ZNF536: variants seen among roughly 807,000 people sequenced by gnomAD.
The protein encoded by ZNF536 is zinc finger protein 536.
A neutral mutation model predicts 84.5 loss-of-function variants in ZNF536; 13 were observed. The observed-to-expected ratio is 0.15, with a 90% CI of 0.10 to 0.24. The LOEUF is 0.24. ZNF536 is among the 10% of genes least tolerant of loss of function. ZNF536 has a pLI of 1.00. For missense variants in ZNF536, 1,536 were observed against 1,747.5 expected (o/e 0.88, Z 2.16); for synonymous variants, 811 against 742.5 (o/e 1.09, Z -1.50).
Position 30,384,995 on chromosome 19 carries a change from G to C in ZNF536, c.-3+12439G>C, listed in dbSNP as rs568153280. On this transcript the variant is annotated intron_variant, in intron 1 of 4. Transcript: ENST00000355537. ...TGATCACGTCACTGCCCTCCAGCCT[G>C]GGCGACAGAGTGAGATATTGTCTCT... Among the ~76,000 whole-genome samples, 6 of 152,164 alleles carry C rather than the reference G, an allele frequency of 3.9e-5. No homozygotes were observed. In the East Asian group the frequency reaches 9.7e-4, roughly 25 times the overall value.
intron 1 of ZNF536, among the ~76,000 whole-genome samples, chr19:30,231,791 T>C (rs1186290534): frequency 2.6e-5 from 4 of 151,842 alleles, no homozygotes; most frequent in African/African-American, 9.7e-5. Flanking sequence ...CTGGTGATGG[T>C]GGTGGTGGTG....
At chr19:30,416,944 A>G (rs2147792035) in intron 1 of ZNF536, among the ~76,000 whole-genome samples, 1 of 152,054 alleles carries the variant, frequency 6.6e-6, no homozygotes, top group African/African-American at 2.4e-5. Context: ...TCTTTGGCCT[A>G]TGTCTATTGA....
intron 2 of ZNF536, among the ~76,000 whole-genome samples, chr19:30,532,424 C>T (rs1453314924): frequency 6.6e-6 from 1 of 152,204 alleles, no homozygotes; most frequent in Non-Finnish European, 1.5e-5. Flanking sequence ...AGCCACCATG[C>T]CCGGCCCAAT....
At chr19:30,269,690 T>C (rs1201214138) in intron 1 of ZNF536, among the ~76,000 whole-genome samples, 1 of 152,216 alleles carries the variant, frequency 6.6e-6, no homozygotes, top group Non-Finnish European at 1.5e-5. Context: ...CTTCTGGCTA[T>C]TTAACCTGAG....
At chr19:30,594,921 G>A (rs1239816828) in intron 1 of ZNF536, among the ~76,000 whole-genome samples, 1 of 152,086 alleles carries the variant, frequency 6.6e-6, no homozygotes, top group Middle Eastern at 3.2e-3. Context: ...TGCCCCGAAG[G>A]CCAACCCAGG....
chr19:30,426,227 T>C lies in ZNF536; in HGVS notation c.-2-17334T>C, dbSNP rs142524712. Among the ~76,000 whole-genome samples, 32 of 152,354 alleles carry C rather than the reference T, an allele frequency of 2.1e-4. No homozygotes were observed. In the East Asian group the frequency reaches 6.2e-3, roughly 29 times the overall value. Reference sequence around the variant, plus strand: ...AACCTGCTACTGACTTTAACGGCAATAAAATATCTGCTGTTTATGAGTAAT... The same window carrying C: ...AACCTGCTACTGACTTTAACGGCAACAAAATATCTGCTGTTTATGAGTAAT... On this transcript the variant is annotated intron_variant, in intron 1 of 4. Coordinates refer to ENST00000355537, the MANE Select transcript of ZNF536 (RefSeq NM_014717.3).
chr19:30,516,702 T>A (rs899406912), intron 2 of ZNF536, among the ~76,000 whole-genome samples: 2 of 152,012 alleles, frequency 1.3e-5, no homozygotes, highest in African/African-American at 4.8e-5. Context: ...TCAAAACACA[T>A]GAGAAAAATT....
intron 3 of ZNF536, among the ~76,000 whole-genome samples, chr19:30,356,313 C>A (rs2048093271): frequency 6.6e-6 from 1 of 152,188 alleles, no homozygotes. Flanking sequence ...AAACTGTGTC[C>A]CAGGCACTTG....
intron 1 of ZNF536, among the ~76,000 whole-genome samples, chr19:30,564,340 A>G (rs2046277454): frequency 1.3e-5 from 2 of 152,224 alleles, no homozygotes; most frequent in Non-Finnish European, 1.5e-5. Context: ...AGAGAAAACA[A>G]GTAAGAAGAG....
At chr19:30,500,582 G>A (rs1055126925) in intron 2 of ZNF536, among the ~76,000 whole-genome samples, 1 of 133,670 alleles carries the variant, frequency 7.5e-6, no homozygotes, top group African/African-American at 3.2e-5. Flanking sequence ...CCCCAGGCTT[G>A]CTCCTGGTTC....
chr19:30,459,809 C>T (rs553179345), intron 2 of ZNF536, among the ~76,000 whole-genome samples: 2 of 152,190 alleles, frequency 1.3e-5, no homozygotes. Flanking sequence ...GTGCCCTTGT[C>T]GAGCAGTCAC....
intron 1 of ZNF536, among the ~76,000 whole-genome samples, chr19:30,575,286 C>T (rs756177437): frequency 6.6e-6 from 1 of 152,114 alleles, no homozygotes; most frequent in Non-Finnish European, 1.5e-5. Flanking sequence ...CCCCGCCGGG[C>T]ACTTCCCTCC....
chr19:30,317,051 C>T (rs1212014161), intron 2 of ZNF536, among the ~76,000 whole-genome samples: 1 of 152,068 alleles, frequency 6.6e-6, no homozygotes, highest in East Asian at 1.9e-4. Context: ...GGGGGTTAGC[C>T]CTCATTATTC....
intron 1 of ZNF536, among the ~76,000 whole-genome samples, chr19:30,629,712 G>A (rs1367274698): frequency 2.6e-5 from 4 of 152,236 alleles, no homozygotes; most frequent in Non-Finnish European, 5.9e-5. Context: ...GGCACTGTTT[G>A]TAGGTCTGGA....
intron 1 of ZNF536, chr19:30,668,689 C>G (rs1356201362): frequency 1.3e-5 from 2 of 150,916 alleles, no homozygotes; most frequent in African/African-American, 2.4e-5. Context: ...CTCTATAAGG[C>G]GGGTCATATT....
At chr19:30,337,933 T>C (rs1418450854) in intron 2 of ZNF536, among the ~76,000 whole-genome samples, 1 of 151,682 alleles carries the variant, frequency 6.6e-6, no homozygotes, top group Non-Finnish European at 1.5e-5. Context: ...GTGATGATAA[T>C]GTTGATATGA....
At chr19:30,283,065 C>A (rs2045506418) in intron 1 of ZNF536, among the ~76,000 whole-genome samples, 1 of 152,232 alleles carries the variant, frequency 6.6e-6, no homozygotes, top group Non-Finnish European at 1.5e-5. Flanking sequence ...GTACAAACTT[C>A]TTCGGCTGGG....
At chr19:30,688,244 C>G (rs2051275119) in intron 1 of ZNF536, among the ~76,000 whole-genome samples, 2 of 152,176 alleles carry the variant, frequency 1.3e-5, no homozygotes, top group Non-Finnish European at 2.9e-5. Flanking sequence ...GTGCCCGGAT[C>G]TCTCCTTCCC....
At chr19:30,617,366 T>TTTTTTTTTTTTTTTTTTTTA (rs869281886) in intron 1 of ZNF536, among the ~76,000 whole-genome samples, 2 of 115,914 alleles carry the variant, frequency 1.7e-5, no homozygotes, top group African/African-American at 3.4e-5. Flanking sequence ...TTTTTTTTTT[T>TTTTTTTTTTTTTTTTTTTTA]ATGAGATGGA....
Sources: gnomAD v4.1 joint callset for allele counts (sites outside exome capture counted in the v4.1 genomes callset) on GRCh38, gnomAD v4.1.1 for gene constraint, MANE v1.5 for transcripts, NCBI Gene and HGNC (gene_info 2026-07-23, HGNC 2026-07-21) for gene names.